RNF216: variants seen among roughly 807,000 people sequenced by gnomAD.
The protein encoded by RNF216 is ring finger protein 216, also known as E3 ubiquitin-protein ligase RNF216.
RNF216 carries 72 observed loss-of-function variants against 110.8 expected under a neutral mutation model. That is an observed-to-expected ratio of 0.65 (90% CI 0.54 to 0.79). The LOEUF (loss-of-function observed/expected upper bound fraction) is 0.79, where lower values mean the gene tolerates loss of function less well. RNF216 is among the 30% of genes least tolerant of loss of function. The probability of loss-of-function intolerance (pLI) is 0.00; values close to 1 mark genes in which losing one functional copy is unlikely to be tolerated. For missense variants in RNF216, 1,342 were observed against 1,141.2 expected (o/e 1.18, Z -2.54); for synonymous variants, 495 against 407.5 (o/e 1.21, Z -2.59).
At chr7:5,648,552 C>T (rs767349292) in intron 14 of RNF216, among the ~76,000 whole-genome samples, 5 of 151,102 alleles carry the variant, frequency 3.3e-5, no homozygotes, top group Non-Finnish European at 5.9e-5. Flanking sequence ...GGTGAAACCC[C>T]GTCTCTACTA....
chr7:5,671,782 G>A (rs1003653238), intron 13 of RNF216, among the ~76,000 whole-genome samples: 1 of 113,632 alleles, frequency 8.8e-6, no homozygotes, highest in African/African-American at 3.7e-5. Context: ...TCTAGCCTGA[G>A]CAAAGAGACC....
chr7:5,716,159 T>C (rs1793049760), intron 10 of RNF216, among the ~76,000 whole-genome samples: 1 of 152,172 alleles, frequency 6.6e-6, no homozygotes, highest in Non-Finnish European at 1.5e-5. Context: ...CTCAAAGTGC[T>C]GGAATTACAG....
Position 5,735,735 on chromosome 7 carries a change from T to C in RNF216, c.1121+3541A>G, listed in dbSNP as rs182116063. Among the ~76,000 whole-genome samples the C allele has an allele frequency of 5.3e-5, 8 of 152,332 alleles. No individual in the cohort carries two copies. The East Asian group carries it at 7.7e-4, about 15-fold the overall frequency. ...AGAACTGACCAACACCACCAATCTA[T>C]GGCCTGGTAGTGTACACTCTTAACG... On this transcript the variant is annotated intron_variant, in intron 5 of 16. Coordinates refer to ENST00000389902, the MANE Select transcript of RNF216 (RefSeq NM_207111.4).
rs188886767 is a variant in RNF216, at chr7:5,695,881, C to T, written c.2061+15880G>A. ...TTTTACAAAACAAGGTATCAAAAGG[C>T]TGTTTGTGTTGCACTGAAAGACTAA... On this transcript the variant is annotated intron_variant, in intron 13 of 16. Coordinates refer to ENST00000389902, the MANE Select transcript of RNF216 (RefSeq NM_207111.4). Among the ~76,000 whole-genome samples the T allele has an allele frequency of 5.3e-5, 8 of 152,344 alleles. No individual in the cohort carries two copies. The East Asian group carries it at 1.3e-3, about 26-fold the overall frequency.
chr7:5,654,716 C>T (rs1241211532), intron 13 of RNF216, among the ~76,000 whole-genome samples: 2 of 107,566 alleles, frequency 1.9e-5, no homozygotes, highest in African/African-American at 3.4e-5. Context: ...AAAAAAAAGG[C>T]TCAATCAATG....
intron 13 of RNF216, 84 bp downstream of exon 13, chr7:5,711,677 G>C: frequency 1.9e-6 from 2 of 1,051,992 alleles, no homozygotes; most frequent in Non-Finnish European, 2.9e-6. Context: ...TCAGCAGTCA[G>C]GTAAACAGCA....
intron 13 of RNF216, among the ~76,000 whole-genome samples, chr7:5,678,901 G>T (rs1449911810): frequency 1.3e-5 from 2 of 152,248 alleles, no homozygotes; most frequent in Non-Finnish European, 2.9e-5. Context: ...TAGAGAGGAA[G>T]TGGGGAGCAT....
chr7:5,627,538 G>C, intron 15 of RNF216, among the ~76,000 whole-genome samples: 1 of 152,274 alleles, frequency 6.6e-6, no homozygotes. Context: ...ACGAGGTCAG[G>C]AGATAGAGAT....
At chr7:5,714,439 G>C (rs1286821415) in intron 11 of RNF216, among the ~76,000 whole-genome samples, 3 of 151,932 alleles carry the variant, frequency 2.0e-5, no homozygotes, top group Non-Finnish European at 4.4e-5. Flanking sequence ...TGTATTTTTA[G>C]TAGAGATGGG....
chr7:5,757,912 C>T lies in RNF216; in HGVS notation c.67+3091G>A, dbSNP rs143510367. Reference sequence around the variant, plus strand: ...GCTCACACCTGTAATCCTAGCACTTCGTGAGGCAGAGGCAATTGGATCACT... The same window carrying T: ...GCTCACACCTGTAATCCTAGCACTTTGTGAGGCAGAGGCAATTGGATCACT... On this transcript the variant is annotated intron_variant, in intron 2 of 16. Transcript: ENST00000389902. Among the ~76,000 whole-genome samples the T allele has an allele frequency of 2.9e-3, 439 of 152,262 alleles. 15 individuals are homozygous for T. Among genetic ancestry groups the T allele is most frequent in the Admixed American group, 0.026 (404 of 15,278 alleles).
chr7:5,625,157 G>A (rs1018538058), intron 15 of RNF216, among the ~76,000 whole-genome samples: 11 of 152,208 alleles, frequency 7.2e-5, no homozygotes, highest in Admixed American at 5.2e-4. Context: ...TGGCAACACC[G>A]TGGCAAACCC....
intron 7 of RNF216, 54 bp downstream of exon 7, chr7:5,729,378 A>G (rs1461923004): frequency 2.4e-5 from 37 of 1,560,328 alleles, no homozygotes; most frequent in Non-Finnish European, 3.2e-5. Flanking sequence ...TTCTGTTACC[A>G]TGGGAAGATG....
intron 3 of RNF216, among the ~76,000 whole-genome samples, chr7:5,750,144 G>C (rs1281181723): frequency 6.6e-6 from 1 of 152,156 alleles, no homozygotes; most frequent in Non-Finnish European, 1.5e-5. Context: ...AACTGGTTAT[G>C]TTACCAAGGC....
chr7:5,625,175 C>A (rs536002874), intron 15 of RNF216, among the ~76,000 whole-genome samples: 1 of 152,286 alleles, frequency 6.6e-6, no homozygotes, highest in South Asian at 2.1e-4. Context: ...CCCAAACACG[C>A]CAACTGCCGG....
At position 5,700,450 on chromosome 7, in the gene RNF216, TTGA is replaced by T. The variant is rs1478063357; in HGVS notation, c.2061+11308_2061+11310del. 5.3e-5 allele frequency among the ~76,000 whole-genome samples: 8 copies of T among 152,216 alleles called. No homozygotes were observed. The East Asian group carries it at 9.6e-4, about 18-fold the overall frequency. ...GAAATTTCTAACATGCATCTCTCCCTTGATGAGGCCACAGACACAGAAAAATGT... is the reference window on the plus strand; with the variant it reads ...GAAATTTCTAACATGCATCTCTCCCTTGAGGCCACAGACACAGAAAAATGT... On this transcript the variant is annotated intron_variant, in intron 13 of 16. Transcript: ENST00000389902.
chr7:5,689,362 T>TA (rs72421808), intron 13 of RNF216, among the ~76,000 whole-genome samples: 7,072 of 127,426 alleles, frequency 0.055, 229 homozygotes, highest in Non-Finnish European at 0.068. Flanking sequence ...TTTGTAGTAT[T>TA]AAAAAAAAAA....
At chr7:5,716,619 C>A in intron 10 of RNF216, 97 bp downstream of exon 10, 1 of 1,009,162 alleles carries the variant, frequency 9.9e-7, no homozygotes, top group Non-Finnish European at 1.5e-6. Flanking sequence ...GGAGGTTATC[C>A]AAAAACAAAT....
At chr7:5,759,979 A>T (rs1228617166) in intron 2 of RNF216, among the ~76,000 whole-genome samples, 1 of 152,146 alleles carries the variant, frequency 6.6e-6, no homozygotes, top group African/African-American at 2.4e-5. Flanking sequence ...CTCTACTAGA[A>T]AAATCATCTT....
intron 3 of RNF216, among the ~76,000 whole-genome samples, chr7:5,747,079 C>T (rs1795065771): frequency 6.6e-6 from 1 of 152,244 alleles, no homozygotes. Context: ...ACTGCATCTA[C>T]TCCTGAATAT....
Sources: allele counts gnomAD v4.1 joint callset (sites outside exome capture counted in the v4.1 genomes callset), GRCh38; gene constraint gnomAD v4.1.1; transcripts MANE v1.5; gene names NCBI Gene and HGNC (gene_info 2026-07-23, HGNC 2026-07-21).